The following PACRG variants were observed in gnomAD, a reference collection of about 807,000 sequenced individuals.
PACRG encodes the protein parkin coregulated, also known as parkin coregulated gene protein.
In PACRG, 29 loss-of-function variants were observed where a neutral mutation model predicts 29.7. That is an observed-to-expected ratio of 0.98 (90% CI 0.73 to 1.33). The LOEUF (loss-of-function observed/expected upper bound fraction) is 1.33. Ranked by LOEUF, PACRG falls within the 40% of genes most tolerant of loss-of-function variation. The pLI is 0.00. For synonymous variants in PACRG, 116 were observed against 118.7 expected (o/e 0.98, Z 0.15); for missense variants, 279 against 316.2 (o/e 0.88, Z 0.89).
At chr6:162,786,722 G>GT (rs1562595315) in intron 1 of PACRG, among the ~76,000 whole-genome samples, 3 of 133,842 alleles carry the variant, frequency 2.2e-5, no homozygotes, top group African/African-American at 7.7e-5. Context: ...AATAGCAAGT[G>GT]GTTTTTTTTT....
chr6:163,096,888 T>C (rs1814641943), intron 4 of PACRG, among the ~76,000 whole-genome samples: 1 of 152,192 alleles, frequency 6.6e-6, no homozygotes, highest in Non-Finnish European at 1.5e-5. Context: ...AAATAAATAT[T>C]CAAGAATCAA....
intron 1 of PACRG, among the ~76,000 whole-genome samples, chr6:162,803,612 A>G (rs1359766375): frequency 6.6e-6 from 1 of 152,162 alleles, no homozygotes; most frequent in African/African-American, 2.4e-5. Flanking sequence ...AGATGATAAG[A>G]TATTTTCAGT....
At chr6:163,078,635 C>A (rs1231109344) in intron 3 of PACRG, among the ~76,000 whole-genome samples, 1 of 152,148 alleles carries the variant, frequency 6.6e-6, no homozygotes, top group Non-Finnish European at 1.5e-5. Flanking sequence ...TCATCATCAT[C>A]ATCATTCTCT....
At chr6:162,934,867 C>G (rs1409064885) in intron 2 of PACRG, among the ~76,000 whole-genome samples, 1 of 152,142 alleles carries the variant, frequency 6.6e-6, no homozygotes. Context: ...TAGCACTAGT[C>G]TAGTGGTGAT....
chr6:162,780,481 C>T (rs1432005190), intron 1 of PACRG, among the ~76,000 whole-genome samples: 1 of 151,948 alleles, frequency 6.6e-6, no homozygotes, highest in African/African-American at 2.4e-5. Flanking sequence ...AATTCTTAGC[C>T]TGTAAAAAGT....
intron 2 of PACRG, among the ~76,000 whole-genome samples, chr6:162,851,997 G>GGAAGGAAGGA (rs1562663764): frequency 3.3e-5 from 2 of 60,914 alleles, no homozygotes; most frequent in African/African-American, 1.4e-4. Flanking sequence ...GGGAGGGAGG[G>GGAAGGAAGGA]AGGGAGGGAG....
chr6:162,817,444 G>A (rs1357473934), intron 2 of PACRG, among the ~76,000 whole-genome samples: 1 of 152,186 alleles, frequency 6.6e-6, no homozygotes, highest in Non-Finnish European at 1.5e-5. Context: ...AGTTCCAGAT[G>A]CCAAAACAAC....
intron 2 of PACRG, among the ~76,000 whole-genome samples, chr6:162,907,646 T>C (rs1204660158): frequency 6.6e-6 from 1 of 152,102 alleles, no homozygotes; most frequent in Non-Finnish European, 1.5e-5. Context: ...TATGCGTGAC[T>C]CTTTCTTAAG....
At chr6:163,216,589 G>A (rs1321462404) in intron 4 of PACRG, among the ~76,000 whole-genome samples, 1 of 152,162 alleles carries the variant, frequency 6.6e-6, no homozygotes, top group African/African-American at 2.4e-5. Flanking sequence ...GAAAAATCAA[G>A]TTGAGTCTGA....
At chr6:163,198,194 A>G (rs1015811625) in intron 4 of PACRG, among the ~76,000 whole-genome samples, 1 of 152,254 alleles carries the variant, frequency 6.6e-6, no homozygotes, top group Non-Finnish European at 1.5e-5. Context: ...TTATTCACTA[A>G]AGTGACCACA....
At chr6:163,002,524 C>CTATA (rs973434225) in intron 2 of PACRG, among the ~76,000 whole-genome samples, 2 of 152,172 alleles carry the variant, frequency 1.3e-5, no homozygotes, top group Admixed American at 1.3e-4. Flanking sequence ...AAAAGAGCAA[C>CTATA]TATACCTTAA....
intron 1 of PACRG, among the ~76,000 whole-genome samples, chr6:162,798,958 T>C (rs919189178): frequency 6.6e-6 from 1 of 152,188 alleles, no homozygotes; most frequent in Non-Finnish European, 1.5e-5. Flanking sequence ...TATGCATGCA[T>C]CAAAGTAAAT....
chr6:163,116,219 G>A (rs1815983394), intron 4 of PACRG, among the ~76,000 whole-genome samples: 1 of 152,198 alleles, frequency 6.6e-6, no homozygotes, highest in Non-Finnish European at 1.5e-5. Context: ...GTGGCAAAAG[G>A]CGAAGGAGAA....
At chr6:163,046,500 A>G (rs1423109685) in intron 2 of PACRG, 1 of 151,898 alleles carries the variant, frequency 6.6e-6, no homozygotes, top group East Asian at 2.0e-4. Flanking sequence ...CATTTTGCAA[A>G]TGATGAACTA....
rs1018206423 is a variant in PACRG at position 163,186,868 on chromosome 6, G to T, written c.613+97460G>T. ...GGAGGTATTTAGTCGGCCTCCCGTC[G>T]CCCTCACCGCACACACAAGACCAAT... On this transcript the variant is annotated intron_variant, in intron 4 of 4. Transcript: ENST00000366888. Among the ~76,000 whole-genome samples the T allele has an allele frequency of 2.0e-4, 30 of 152,178 alleles. 1 individual carries two copies. The highest frequency in any genetic ancestry group is 2.9e-5 in the Non-Finnish European group (2 of 68,038).
At chr6:162,951,085 G>C (rs534863696) in intron 2 of PACRG, among the ~76,000 whole-genome samples, 2 of 152,280 alleles carry the variant, frequency 1.3e-5, no homozygotes, top group East Asian at 3.9e-4. Flanking sequence ...CCTGTAAGTT[G>C]GGTATTATTT....
chr6:162,929,817 A>G lies in PACRG; in HGVS notation c.291+115536A>G, dbSNP rs570169356. Among the ~76,000 whole-genome samples the G allele has an allele frequency of 2.0e-5, 3 of 152,078 alleles. No homozygotes were observed. In the South Asian group the frequency reaches 6.2e-4, roughly 32 times the overall value. On this transcript the variant is annotated intron_variant, in intron 2 of 4. Transcript: ENST00000366888. ...CACACACATGTCCAGTTTTCCTAGT[A>G]CCATGTATTAAAGAGAGTGTTCTTT...
chr6:162,894,125 G>C (rs933888912), intron 2 of PACRG, among the ~76,000 whole-genome samples: 7 of 152,142 alleles, frequency 4.6e-5, no homozygotes, highest in African/African-American at 1.7e-4. Context: ...GACCTGGAGT[G>C]GGACACACGT....
rs976467401 is a variant in PACRG at position 163,009,120 on chromosome 6, G to A, written c.292-53030G>A. Reference sequence around the variant, plus strand: ...AATTCTAAGAAACAGACTAAAATGTGTATGACCAATATACTGGGTCCATGT... The same window carrying A: ...AATTCTAAGAAACAGACTAAAATGTATATGACCAATATACTGGGTCCATGT... On this transcript the variant is annotated intron_variant, in intron 2 of 4. Transcript: ENST00000366888. Among the ~76,000 whole-genome samples the A allele has an allele frequency of 8.5e-5, 13 of 152,186 alleles. No individual in the cohort carries two copies. The East Asian group carries it at 1.9e-3, about 23-fold the overall frequency.
Sources: gnomAD v4.1 joint callset for allele counts (sites outside exome capture counted in the v4.1 genomes callset) on GRCh38, gnomAD v4.1.1 for gene constraint, MANE v1.5 for transcripts, NCBI Gene and HGNC (gene_info 2026-07-23, HGNC 2026-07-21) for gene names.